RBMS3: variants seen among roughly 807,000 people sequenced by gnomAD.
RBMS3 encodes RNA-binding motif, single-stranded-interacting protein 3.
RBMS3 carries 27 observed loss-of-function variants against 66.8 expected under a neutral mutation model. The observed-to-expected ratio is 0.40, with a 90% CI of 0.30 to 0.56. The LOEUF (loss-of-function observed/expected upper bound fraction) is 0.56, where lower values mean the gene tolerates loss of function less well. Among genes scored for constraint, RBMS3 ranks in the 20% least tolerant of loss-of-function variants. RBMS3 has a pLI of 0.40. For missense variants in RBMS3, 513 were observed against 549.5 expected, an observed-to-expected ratio of 0.93 and a Z score of 0.66; for synonymous variants, 188 against 183.0, an observed-to-expected ratio of 1.03 and a Z score of -0.22.
At chr3:29,635,962 T>C (rs2049457413) in intron 4 of RBMS3, among the ~76,000 whole-genome samples, 1 of 151,516 alleles carries the variant, frequency 6.6e-6, no homozygotes, top group African/African-American at 2.4e-5. Flanking sequence ...CCTGTTACAA[T>C]ACCATAAGGC....
intron 4 of RBMS3, among the ~76,000 whole-genome samples, chr3:29,591,276 G>T (rs993664216): frequency 6.6e-6 from 1 of 152,084 alleles, no homozygotes; most frequent in African/African-American, 2.4e-5. Flanking sequence ...CTGGTGACTC[G>T]GTTATCTCCA....
chr3:29,690,414 T>C (rs2051949925), intron 4 of RBMS3, among the ~76,000 whole-genome samples: 1 of 152,206 alleles, frequency 6.6e-6, no homozygotes, highest in Admixed American at 6.6e-5. Context: ...CTTGACAGAA[T>C]GAGACCCTGT....
chr3:29,899,914 G>C (rs1429899556), intron 10 of RBMS3, among the ~76,000 whole-genome samples, 159 bp downstream of exon 10: 1 of 151,646 alleles, frequency 6.6e-6, no homozygotes, highest in Non-Finnish European at 1.5e-5. Context: ...TTCTACAAAA[G>C]CATGTACAAT....
intron 1 of RBMS3, among the ~76,000 whole-genome samples, chr3:29,405,568 G>A (rs552641361): frequency 6.6e-6 from 1 of 152,232 alleles, no homozygotes; most frequent in African/African-American, 2.4e-5. Flanking sequence ...GCTGTAATGT[G>A]GCTTTGGTAA....
At chr3:29,913,746 G>A (rs1333217715) in intron 10 of RBMS3, among the ~76,000 whole-genome samples, 1 of 151,830 alleles carries the variant, frequency 6.6e-6, no homozygotes, top group East Asian at 1.9e-4. Context: ...AACCATTTCT[G>A]CATAACAATG....
At chr3:29,841,206 C>T (rs1169590684) in intron 6 of RBMS3, among the ~76,000 whole-genome samples, 1 of 151,580 alleles carries the variant, frequency 6.6e-6, no homozygotes, top group Non-Finnish European at 1.5e-5. Flanking sequence ...TATGTATTGA[C>T]CTGTTGACAC....
chr3:29,286,297 G>GT (rs1337937581), intron 1 of RBMS3, among the ~76,000 whole-genome samples: 36 of 149,676 alleles, frequency 2.4e-4, no homozygotes, highest in Non-Finnish European at 2.5e-4. Flanking sequence ...TCTTAGTTTT[G>GT]TTTTTTTTTC....
chr3:29,940,797 T>A (rs1433418787), intron 11 of RBMS3, among the ~76,000 whole-genome samples: 1 of 151,430 alleles, frequency 6.6e-6, no homozygotes, highest in Non-Finnish European at 1.5e-5. Context: ...GCAGTGTAAC[T>A]GTTTTATTTC....
chr3:29,499,106 C>T (rs531464284), intron 3 of RBMS3, among the ~76,000 whole-genome samples: 1 of 152,066 alleles, frequency 6.6e-6, no homozygotes, highest in Non-Finnish European at 1.5e-5. Flanking sequence ...AAAAAATTTT[C>T]TTTGTTCACT....
In RBMS3 at chr3:29,580,537, T is replaced by C. The variant is rs575651828; in HGVS notation, c.308-6577T>C. Among the ~76,000 whole-genome samples the C allele has an allele frequency of 4.6e-5, 7 of 152,146 alleles. No homozygotes were observed. The South Asian group carries it at 1.5e-3, about 32-fold the overall frequency. On this transcript the variant is annotated intron_variant, in intron 3 of 14. Coordinates refer to ENST00000383767, the MANE Select transcript of RBMS3 (RefSeq NM_001003793.3). ...ACTGTGTCTATATGCCATTTAAACA[T>C]AAACTCCACTGCATTTAAATTTATT...
chr3:29,991,007 G>A (rs768749984), intron 13 of RBMS3, 75 bp from the exon 14 acceptor site: 18 of 1,431,916 alleles, frequency 1.3e-5, no homozygotes, highest in Non-Finnish European at 1.8e-5. Flanking sequence ...ATAGAAGAGG[G>A]GTACTTACAG....
chr3:29,461,142 A>G (rs1007922205), intron 2 of RBMS3, among the ~76,000 whole-genome samples: 1 of 151,958 alleles, frequency 6.6e-6, no homozygotes, highest in Non-Finnish European at 1.5e-5. Flanking sequence ...ATAACATTTC[A>G]TTTTCTCCTC....
intron 14 of RBMS3, among the ~76,000 whole-genome samples, chr3:29,997,777 TAAG>T (rs1467195534): frequency 6.6e-6 from 1 of 152,060 alleles, no homozygotes; most frequent in African/African-American, 2.4e-5. Flanking sequence ...TTCAAAATAA[TAAG>T]AGCTATCTAT....
rs1447128036 is a variant in RBMS3, at chr3:30,006,971, A to G, written c.*3109A>G. 1.3e-5 allele frequency: 2 copies of G among 151,938 alleles called. No homozygotes were observed. Among genetic ancestry groups the G allele is most frequent in the Non-Finnish European group, 2.9e-5 (2 of 67,908 alleles). 9.4% of individuals were successfully genotyped at this position (151,938 alleles called of 1,614,324 possible). ...AAATGACCTGTCATTTGATGTGTTC[A>G]TGTGTGTTTTGTGTTTGGATAGTTT... is the stretch of plus-strand genomic sequence containing the variant. On this transcript the variant is annotated 3_prime_UTR_variant, in exon 15 of 15. Transcript: ENST00000383767.
intron 6 of RBMS3, among the ~76,000 whole-genome samples, chr3:29,779,358 C>A (rs996932000): frequency 2.0e-5 from 3 of 151,312 alleles, no homozygotes; most frequent in Non-Finnish European, 4.4e-5. Context: ...GAAGAAAAGG[C>A]ACACTATTAA....
chr3:29,887,598 T>A (rs1442561969), intron 8 of RBMS3, among the ~76,000 whole-genome samples: 1 of 151,748 alleles, frequency 6.6e-6, no homozygotes, highest in Non-Finnish European at 1.5e-5. Flanking sequence ...TATTCCTTTA[T>A]AAATTACCCA....
intron 1 of RBMS3, among the ~76,000 whole-genome samples, chr3:29,308,800 C>CA (rs10706270): frequency 0.071 from 9,243 of 130,400 alleles, 452 homozygotes; most frequent in East Asian, 0.22. Flanking sequence ...AAAATTTTGT[C>CA]AAAAAAAAAA....
At chr3:29,720,735 C>A (rs577664486) in intron 4 of RBMS3, among the ~76,000 whole-genome samples, 2 of 94,228 alleles carry the variant, frequency 2.1e-5, no homozygotes, top group South Asian at 7.0e-4. Flanking sequence ...TGTGACTTTT[C>A]ATTCTATGGT....
rs1446489062 is a variant in RBMS3 at position 29,488,636 on chromosome 3, G to A, written c.307+137G>A. The A allele has an allele frequency of 1.0e-5, 6 of 591,456 alleles. No homozygotes were observed. In the Admixed American group the frequency reaches 1.9e-4, roughly 19 times the overall value. 36.6% of individuals were successfully genotyped at this position (591,456 alleles called of 1,614,324 possible). A position where few individuals can be genotyped will look rare whatever the true frequency, so the allele number is the denominator to read the frequency against. On this transcript the variant is annotated intron_variant, in intron 3 of 14. Coordinates refer to ENST00000383767, the MANE Select transcript of RBMS3 (RefSeq NM_001003793.3). ...GGAAAACCTCTTTAATGATGCCAAT[G>A]TTTTGATAAGTTGTATTTCTAGTAA...
Sources: gnomAD v4.1 joint callset for allele counts (sites outside exome capture counted in the v4.1 genomes callset) on GRCh38, gnomAD v4.1.1 for gene constraint, MANE v1.5 for transcripts, NCBI Gene and HGNC (gene_info 2026-07-23, HGNC 2026-07-21) for gene names.